OTUD7A: variants seen among roughly 807,000 people sequenced by gnomAD.
OTUD7A encodes the protein OTU domain-containing protein 7A.
OTUD7A carries 12 observed loss-of-function variants against 65.7 expected under a neutral mutation model. That is an observed-to-expected ratio of 0.18 (90% CI 0.12 to 0.30). The LOEUF (loss-of-function observed/expected upper bound fraction) is 0.30. Ranked by LOEUF, OTUD7A falls within the 10% of genes least tolerant of loss-of-function variation. The pLI, the probability that OTUD7A is intolerant of heterozygous loss-of-function variation, is 1.00. For missense variants in OTUD7A, 1,148 were observed against 1,304.8 expected (o/e 0.88, Z 1.85); for synonymous variants, 641 against 586.3 (o/e 1.09, Z -1.35).
At chr15:31,730,047 G>A (rs1211958578) in intron 1 of OTUD7A, among the ~76,000 whole-genome samples, 1 of 152,188 alleles carries the variant, frequency 6.6e-6, no homozygotes, top group Non-Finnish European at 1.5e-5. Context: ...GCCTTTGGCA[G>A]GTGATTAGGT....
At chr15:31,624,187 C>T (rs1890884473) in intron 3 of OTUD7A, among the ~76,000 whole-genome samples, 1 of 152,186 alleles carries the variant, frequency 6.6e-6, no homozygotes, top group African/African-American at 2.4e-5. Flanking sequence ...TTTTATATAC[C>T]TGCACCATTT....
intron 3 of OTUD7A, among the ~76,000 whole-genome samples, chr15:31,629,226 G>T (rs1296356393): frequency 6.6e-6 from 1 of 152,032 alleles, no homozygotes; most frequent in East Asian, 1.9e-4. Flanking sequence ...ATTGGCTGTG[G>T]GTTTGTCATA....
chr15:31,759,616 C>T (rs1471979177), intron 1 of OTUD7A, among the ~76,000 whole-genome samples: 1 of 152,220 alleles, frequency 6.6e-6, no homozygotes, highest in East Asian at 1.9e-4. Context: ...TCACTGCCAC[C>T]TCTGCCTCCC....
chr15:31,520,318 C>T lies in OTUD7A; in HGVS notation c.893+6031G>A, dbSNP rs549720982. On this transcript the variant is annotated intron_variant, in intron 8 of 12. Transcript: ENST00000307050. ...TAGATCAATGGAACAGAATACATAA[C>T]CTATAAATGAAGCCACATACTTATA... 1.0e-4 allele frequency among the ~76,000 whole-genome samples: 15 copies of T among 150,058 alleles called. No individual in the cohort carries two copies. In the South Asian group the frequency reaches 3.2e-3, roughly 32 times the overall value.
At chr15:31,776,915 T>C (rs1895396406) in intron 1 of OTUD7A, among the ~76,000 whole-genome samples, 1 of 152,082 alleles carries the variant, frequency 6.6e-6, no homozygotes, top group Non-Finnish European at 1.5e-5. Context: ...CTGCACATTG[T>C]GCACCTGTAC....
At chr15:31,659,435 A>T (rs772500782) in intron 1 of OTUD7A, among the ~76,000 whole-genome samples, 15 of 152,240 alleles carry the variant, frequency 9.9e-5, no homozygotes, top group Non-Finnish European at 1.8e-4. Context: ...CTCTAAGGTG[A>T]GGCGAGGAGG....
intron 5 of OTUD7A, among the ~76,000 whole-genome samples, chr15:31,553,187 C>T (rs935808140): frequency 2.0e-5 from 3 of 152,176 alleles, no homozygotes; most frequent in Admixed American, 6.5e-5. Context: ...CCACCCTGGG[C>T]GTCAGGGTCA....
In OTUD7A at chr15:31,526,357, C is replaced by G. The variant is rs372172398; in HGVS notation, c.885G>C (p.Thr295=). The G allele has an allele frequency of 1.8e-5, 28 of 1,594,494 alleles. No individual in the cohort carries two copies. Among genetic ancestry groups the G allele is most frequent in the East Asian group, 6.7e-5 (3 of 44,508 alleles). ...GCAGGGGCAGCACTTACCCCCCGCC[C>G]GTGCCGCCATTCTTGCTGAAGTGTG... is the stretch of plus-strand genomic sequence containing the variant. ...PRTHFSKNGG[T]GGGVDNSEDP... is the part of the protein sequence containing the mutation. The change falls in exon 8 of 13, where the codon ACG becomes ACC. Residue 295 remains threonine, a synonymous_variant. Coordinates refer to ENST00000307050, the MANE Select transcript of OTUD7A (RefSeq NM_001382637.1).
chr15:31,748,235 T>C (rs1894531825), intron 1 of OTUD7A, among the ~76,000 whole-genome samples: 1 of 152,062 alleles, frequency 6.6e-6, no homozygotes. Context: ...GTCCTTTTTA[T>C]AAAAGAAAAT....
chr15:31,561,417 G>C (rs1448222968), intron 4 of OTUD7A, among the ~76,000 whole-genome samples: 1 of 152,182 alleles, frequency 6.6e-6, no homozygotes, highest in Non-Finnish European at 1.5e-5. Context: ...AGGGACATCA[G>C]GCATTAGAGA....
At chr15:31,505,401 A>AT (rs1379284388) in intron 8 of OTUD7A, among the ~76,000 whole-genome samples, 3 of 152,146 alleles carry the variant, frequency 2.0e-5, no homozygotes, top group Admixed American at 6.6e-5. Context: ...AAGTATACTG[A>AT]TTTTTTTATT....
intron 1 of OTUD7A, among the ~76,000 whole-genome samples, chr15:31,812,454 A>C (rs866284426): frequency 6.6e-6 from 1 of 152,198 alleles, no homozygotes; most frequent in Non-Finnish European, 1.5e-5. Flanking sequence ...GAGAGAAGAA[A>C]GAGCCTTGGG....
intron 1 of OTUD7A, among the ~76,000 whole-genome samples, chr15:31,812,665 C>T (rs1249067350): frequency 6.6e-6 from 1 of 152,160 alleles, no homozygotes; most frequent in Non-Finnish European, 1.5e-5. Flanking sequence ...AGAGACAGAA[C>T]ACTCCAACTA....
intron 1 of OTUD7A, among the ~76,000 whole-genome samples, chr15:31,726,097 T>C (rs1893877173): frequency 6.6e-6 from 1 of 151,708 alleles, no homozygotes. Flanking sequence ...CCTATGAATA[T>C]TCAAGCGCCC....
At chr15:31,509,679 C>A (rs917198581) in intron 8 of OTUD7A, among the ~76,000 whole-genome samples, 1 of 151,862 alleles carries the variant, frequency 6.6e-6, no homozygotes, top group African/African-American at 2.4e-5. Flanking sequence ...TATATTTTTA[C>A]ATATTTTGTA....
intron 1 of OTUD7A, among the ~76,000 whole-genome samples, chr15:31,675,830 A>G (rs1036386082): frequency 6.6e-6 from 1 of 152,226 alleles, no homozygotes; most frequent in Non-Finnish European, 1.5e-5. Flanking sequence ...AAAACACACA[A>G]AAAGAAGGAA....
chr15:31,628,410 T>C (rs897271608), intron 3 of OTUD7A, among the ~76,000 whole-genome samples: 8 of 152,180 alleles, frequency 5.3e-5, no homozygotes, highest in Non-Finnish European at 1.0e-4. Context: ...TGTAGATATG[T>C]GGCATTATTT....
intron 1 of OTUD7A, among the ~76,000 whole-genome samples, chr15:31,750,692 A>G (rs1335034290): frequency 6.6e-6 from 1 of 152,194 alleles, no homozygotes; most frequent in Admixed American, 6.5e-5. Flanking sequence ...GAGAGCCCAG[A>G]AGTAAAGCCA....
intron 8 of OTUD7A, among the ~76,000 whole-genome samples, chr15:31,516,522 G>A (rs1404152393): frequency 3.9e-5 from 6 of 152,198 alleles, no homozygotes; most frequent in Non-Finnish European, 8.8e-5. Flanking sequence ...AGGAGCCTCA[G>A]TGTTGAAGGC....
Sources: allele counts gnomAD v4.1 joint callset (sites outside exome capture counted in the v4.1 genomes callset), GRCh38; gene constraint gnomAD v4.1.1; transcripts MANE v1.5; gene names NCBI Gene and HGNC (gene_info 2026-07-23, HGNC 2026-07-21).